MARCHF1: variants seen among roughly 807,000 people sequenced by gnomAD.
MARCHF1 encodes the protein E3 ubiquitin-protein ligase MARCHF1.
A neutral mutation model predicts 54.2 loss-of-function variants in MARCHF1; 40 were observed. That is an observed-to-expected ratio of 0.74 (90% confidence interval 0.57 to 0.96). MARCHF1 has a LOEUF of 0.96. MARCHF1 is among the 40% of genes least tolerant of loss of function. MARCHF1 has a pLI of 0.00. For synonymous variants in MARCHF1, 236 were observed against 236.3 expected, an observed-to-expected ratio of 1.00 and a Z score of 0.01; for missense variants, 586 against 656.5, an observed-to-expected ratio of 0.89 and a Z score of 1.17.
intron 1 of MARCHF1, among the ~76,000 whole-genome samples, chr4:164,356,532 C>G (rs1207162879): frequency 1.6e-5 from 2 of 127,570 alleles, no homozygotes; most frequent in Non-Finnish European, 3.5e-5. Flanking sequence ...AACCAAACAC[C>G]GCATATTCTC....
chr4:163,609,455 T>C (rs866363324), intron 7 of MARCHF1, among the ~76,000 whole-genome samples: 1 of 152,008 alleles, frequency 6.6e-6, no homozygotes, highest in Non-Finnish European at 1.5e-5. Flanking sequence ...TTGCCATTTG[T>C]TCTTCCCTTT....
At chr4:164,287,913 C>T (rs1440762406) in intron 1 of MARCHF1, among the ~76,000 whole-genome samples, 2 of 152,068 alleles carry the variant, frequency 1.3e-5, no homozygotes. Flanking sequence ...CATTAGGTTA[C>T]ATTAATTTAT....
chr4:163,680,024 C>T (rs1579188656), intron 5 of MARCHF1, among the ~76,000 whole-genome samples: 1 of 146,690 alleles, frequency 6.8e-6, no homozygotes, highest in African/African-American at 2.5e-5. Flanking sequence ...CAACAGGGCT[C>T]TTACTAAAAC....
intron 1 of MARCHF1, among the ~76,000 whole-genome samples, chr4:164,340,952 C>T (rs187023399): frequency 1.3e-5 from 2 of 149,720 alleles, no homozygotes; most frequent in Admixed American, 6.6e-5. Context: ...GTCAATATCA[C>T]TGATGAATCT....
chr4:163,613,567 T>A (rs1463233437), intron 5 of MARCHF1, 174 bp from the exon 6 acceptor site: 39 of 1,524,178 alleles, frequency 2.6e-5, no homozygotes, highest in Non-Finnish European at 3.3e-5. Flanking sequence ...AAAGTAAAAC[T>A]TATTTGAGGA....
chr4:164,285,873 A>G (rs965035441), intron 1 of MARCHF1, among the ~76,000 whole-genome samples: 12 of 151,896 alleles, frequency 7.9e-5, no homozygotes, highest in African/African-American at 2.9e-4. Flanking sequence ...TGTATGAAAT[A>G]AAAATTAATG....
At chr4:164,065,558 G>A (rs1754708919) in intron 2 of MARCHF1, among the ~76,000 whole-genome samples, 2 of 152,152 alleles carry the variant, frequency 1.3e-5, no homozygotes, top group Admixed American at 1.3e-4. Flanking sequence ...GGGTTCTCCA[G>A]AGGAACAGAA....
chr4:163,603,379 G>A (rs28608179), intron 7 of MARCHF1, among the ~76,000 whole-genome samples: 13,365 of 151,946 alleles, frequency 0.088, 1,080 homozygotes, highest in East Asian at 0.2. Context: ...GGTTGTATCC[G>A]CATTTGAGTG....
chr4:163,949,458 G>A (rs1478766121), intron 3 of MARCHF1, among the ~76,000 whole-genome samples: 3 of 152,142 alleles, frequency 2.0e-5, no homozygotes, highest in African/African-American at 4.8e-5. Context: ...TCTCCTTCTC[G>A]TCATCCACAA....
At chr4:163,739,888 C>A (rs1246019484) in intron 4 of MARCHF1, among the ~76,000 whole-genome samples, 1 of 152,138 alleles carries the variant, frequency 6.6e-6, no homozygotes, top group Non-Finnish European at 1.5e-5. Context: ...CATTACACAC[C>A]TTACAGTGGA....
At chr4:164,247,562 CTAA>C (rs1732988645) in intron 1 of MARCHF1, among the ~76,000 whole-genome samples, 1 of 141,758 alleles carries the variant, frequency 7.1e-6, no homozygotes, top group Non-Finnish European at 1.5e-5. Flanking sequence ...ACATATGTAA[CTAA>C]CATGCACAAT....
chr4:163,975,937 G>T (rs1206830716), intron 3 of MARCHF1, among the ~76,000 whole-genome samples: 1 of 152,136 alleles, frequency 6.6e-6, no homozygotes, highest in Non-Finnish European at 1.5e-5. Context: ...AGTACAAAAT[G>T]AAAGACACCT....
At chr4:163,753,584 T>A (rs988040529) in intron 4 of MARCHF1, among the ~76,000 whole-genome samples, 1 of 152,124 alleles carries the variant, frequency 6.6e-6, no homozygotes, top group Non-Finnish European at 1.5e-5. Context: ...CCTTAAACTC[T>A]GAGCCTTACT....
At chr4:163,724,631 C>T (rs1172229450) in intron 4 of MARCHF1, among the ~76,000 whole-genome samples, 1 of 152,198 alleles carries the variant, frequency 6.6e-6, no homozygotes, top group Non-Finnish European at 1.5e-5. Context: ...GGCGGGCAAG[C>T]CTCCTTGAGC....
At chr4:163,632,353 T>G (rs570359215) in intron 5 of MARCHF1, among the ~76,000 whole-genome samples, 432 of 152,086 alleles carry the variant, frequency 2.8e-3, no homozygotes, top group African/African-American at 9.5e-3. Flanking sequence ...TCTCACTAGG[T>G]AGTGCCAGAC....
intron 9 of MARCHF1, among the ~76,000 whole-genome samples, chr4:163,535,886 G>A (rs1231416047): frequency 2.0e-5 from 3 of 151,960 alleles, no homozygotes; most frequent in African/African-American, 7.3e-5. Flanking sequence ...GGGACATTTA[G>A]CAGTGTCTAG....
At chr4:163,943,282 T>C (rs1024474300) in intron 3 of MARCHF1, among the ~76,000 whole-genome samples, 1 of 152,226 alleles carries the variant, frequency 6.6e-6, no homozygotes, top group Non-Finnish European at 1.5e-5. Flanking sequence ...TCCAGAATAG[T>C]ACAGCCTAGG....
chr4:164,264,286 T>A (rs1352416684), intron 1 of MARCHF1, among the ~76,000 whole-genome samples: 2 of 152,090 alleles, frequency 1.3e-5, no homozygotes, highest in Non-Finnish European at 2.9e-5. Flanking sequence ...AGCTAAATGA[T>A]GAGAACTCAT....
intron 1 of MARCHF1, among the ~76,000 whole-genome samples, chr4:164,250,228 T>A (rs1294826185): frequency 6.6e-6 from 1 of 152,042 alleles, no homozygotes; most frequent in African/African-American, 2.4e-5. Context: ...TGTTTTAGAA[T>A]GTCAATGGAG....
Sources: gnomAD v4.1 joint callset for allele counts (sites outside exome capture counted in the v4.1 genomes callset) on GRCh38, gnomAD v4.1.1 for gene constraint, MANE v1.5 for transcripts, NCBI Gene and HGNC (gene_info 2026-07-23, HGNC 2026-07-21) for gene names.